The following ACTR1B variants were observed in gnomAD, a reference collection of about 807,000 sequenced individuals.
The protein encoded by ACTR1B is beta-centractin.
A neutral mutation model predicts 49.4 loss-of-function variants in ACTR1B; 34 were observed. The observed-to-expected ratio is 0.69, with a 90% CI of 0.52 to 0.92. The LOEUF (loss-of-function observed/expected upper bound fraction) is 0.92, where lower values mean the gene tolerates loss of function less well. ACTR1B is among the 40% of genes least tolerant of loss of function. The pLI is 0.00. For synonymous variants in ACTR1B, 207 were observed against 207.8 expected (o/e 1.00, Z 0.03); for missense variants, 471 against 522.4 (o/e 0.90, Z 0.96).
At chr2:97,663,052 AC>A (rs1362856761) in intron 1 of ACTR1B, among the ~76,000 whole-genome samples, 2 of 152,026 alleles carry the variant, frequency 1.3e-5, no homozygotes, top group African/African-American at 2.4e-5. Flanking sequence ...GGACGCACAT[AC>A]CCAGCTAGGG....
intron 2 of ACTR1B, among the ~76,000 whole-genome samples, chr2:97,660,962 TC>T (rs2104505324): frequency 6.6e-6 from 1 of 152,246 alleles, no homozygotes; most frequent in East Asian, 1.9e-4. Flanking sequence ...CAGCCCACGC[TC>T]CTGACTTCGG....
At position 97,660,615 on chromosome 2, in the gene ACTR1B, C is replaced by A. The variant is rs750047083; in HGVS notation, c.145G>T (p.Ala49Ser). The A allele has an allele frequency of 4.3e-6, 7 of 1,613,966 alleles. No individual in the cohort carries two copies. Among genetic ancestry groups the A allele is most frequent in the African/African-American group, 1.3e-5 (1 of 74,946 alleles). ...AAGAGGTCCCCCTCCAGGGCTCCAG[C>A]CATCACCCGCATGTGCTTCGGCCGC... is the stretch of plus-strand genomic sequence containing the variant. ...VGRPKHMRVM[A>S]GALEGDLFIG... The change falls in exon 3 of 11, where the codon GCT becomes TCT. Residue 49 changes from alanine to serine, a missense_variant. Ala to Ser is a moderately conservative substitution (Grantham distance 99). Transcript: ENST00000289228.
chr2:97,658,459 C>G lies in ACTR1B; in HGVS notation c.625G>C (p.Ala209Pro), dbSNP rs780715402. 2.5e-6 allele frequency: 4 copies of G among 1,614,152 alleles called. No individual in the cohort carries two copies. Among genetic ancestry groups the G allele is most frequent in the Non-Finnish European group, 3.4e-6 (4 of 1,180,018 alleles). ...ATTGTCCGGACAACCTCAAACTCAG[C>G]CGAGGTATGGAAGTCAACCCCTTCC... ...RKEGVDFHTS[A>P]EFEVVRTIKE... Residue 209 changes from alanine (A) to proline (P), a missense_variant, in exon 6 of 11, where the codon GCT becomes CCT. Physicochemically the swap from Ala to Pro is conservative, Grantham distance 27. Coordinates refer to ENST00000289228, the MANE Select transcript of ACTR1B (RefSeq NM_005735.4). The surrounding 1 kb of genome is among the most constrained non-coding windows in gnomAD (Gnocchi z 5.9).
In ACTR1B at chr2:97,658,204, T is replaced by C. The variant is rs1404604508; in HGVS notation, c.750+20A>G. 8.7e-6 allele frequency: 14 copies of C among 1,613,748 alleles called. No homozygotes were observed. Among genetic ancestry groups the C allele is most frequent in the African/African-American group, 2.7e-5 (2 of 74,948 alleles). On this transcript the variant is annotated intron_variant, in intron 7 of 10. Coordinates refer to ENST00000289228, the MANE Select transcript of ACTR1B (RefSeq NM_005735.4). The surrounding 1 kb of genome is among the most constrained non-coding windows in gnomAD (Gnocchi z 5.9). ...GGCTGGGCATCGGCTGCCACTCCAG[T>C]GCCAGGCCCGGCCACTTACATCAAG... is the stretch of plus-strand genomic sequence containing the variant.
In ACTR1B at chr2:97,659,592, A is replaced by C; in HGVS notation, c.190-115T>G. 9.9e-7 allele frequency: 1 copy of C among 1,013,540 alleles called. No individual in the cohort carries two copies. Among genetic ancestry groups the C allele is most frequent in the Non-Finnish European group, 1.5e-6 (1 of 676,032 alleles). 62.8% of individuals were successfully genotyped at this position (1,013,540 alleles called of 1,614,324 possible). On this transcript the variant is annotated intron_variant, in intron 3 of 10. Coordinates refer to ENST00000289228, the MANE Select transcript of ACTR1B (RefSeq NM_005735.4). This position sits in a 1 kb window ranked among gnomAD's most constrained non-coding sequence, Gnocchi z 4.0. ...CCAGAACCTCACCTGCCCTGACCAG[A>C]ACCACCCCTGCTCACTGGGTGTCCC...
chr2:97,658,546 T>A lies in ACTR1B; in HGVS notation c.538A>T (p.Ile180Phe). 1 of 1,614,006 alleles carries A rather than the reference T, an allele frequency of 6.2e-7. No individual in the cohort carries two copies. The highest frequency in any genetic ancestry group is 8.5e-7 in the Non-Finnish European group (1 of 1,180,010). ...CGGCCGGCAATGTCCACCCGCATGA[T>A]GGAGTGAGGCATGGCAAAGCCCTCA... ...IYEGFAMPHS[I>F]MRVDIAGRDV... Residue 180 changes from isoleucine to phenylalanine, a missense_variant, in exon 6 of 11, where the codon ATC becomes TTC. By Grantham distance (21) the Ile-to-Phe change is conservative. Transcript: ENST00000289228. The surrounding 1 kb of genome is among the most constrained non-coding windows in gnomAD (Gnocchi z 5.9).
chr2:97,659,142 G>A lies in ACTR1B; in HGVS notation c.316-139C>T. The stretch of plus-strand genomic sequence containing the variant: ...TCCTGAGGGCCCCATCCCTTTATCT[G>A]CTGGCAGTTACTCTTCCGGAGATCC... On this transcript the variant is annotated intron_variant, in intron 4 of 10. Coordinates refer to ENST00000289228, the MANE Select transcript of ACTR1B (RefSeq NM_005735.4). This position sits in a 1 kb window ranked among gnomAD's most constrained non-coding sequence, Gnocchi z 4.0. 1 of 1,468,272 alleles carries A rather than the reference G, an allele frequency of 6.8e-7. No individual in the cohort carries two copies. Among genetic ancestry groups the A allele is most frequent in the Non-Finnish European group, 9.3e-7 (1 of 1,074,872 alleles). 91.0% of individuals were successfully genotyped at this position (1,468,272 alleles called of 1,614,324 possible).
rs751752228 is a variant in ACTR1B at position 97,659,016 on chromosome 2, G to A, written c.316-13C>T. 1 of 1,614,004 alleles carries A rather than the reference G, an allele frequency of 6.2e-7. No homozygotes were observed. Among genetic ancestry groups the A allele is most frequent in the Non-Finnish European group, 8.5e-7 (1 of 1,180,020 alleles). ...GGAGCACAGGATGCTGCGAGGGACG[G>A]GACAGTTGTAGGCATCAGAGGAGGC... On this transcript the variant is annotated splice_polypyrimidine_tract_variant and intron_variant, in intron 4 of 10. Coordinates refer to ENST00000289228, the MANE Select transcript of ACTR1B (RefSeq NM_005735.4). This position sits in a 1 kb window ranked among gnomAD's most constrained non-coding sequence, Gnocchi z 4.0.
intron 3 of ACTR1B, among the ~76,000 whole-genome samples, chr2:97,660,177 TC>T (rs996500143): frequency 2.0e-5 from 3 of 152,150 alleles, no homozygotes; most frequent in Non-Finnish European, 4.4e-5. Flanking sequence ...CTTGCTGCTC[TC>T]CCCACACCCA....
chr2:97,659,719 T>C lies in ACTR1B; in HGVS notation c.190-242A>G, dbSNP rs1015887407. 6.9e-6 allele frequency: 4 copies of C among 577,986 alleles called. No homozygotes were observed. The African/African-American group carries it at 7.6e-5, about 11-fold the overall frequency. The allele number at this position is 577,986 out of a possible 1,614,324, so 35.8% of individuals were successfully genotyped here. ...CTTCAGCTGGGGGGATCAGAGAGGGTGGCAGTGTGCCCCGCAATCTGCAGG... is the reference window on the plus strand; with the variant it reads ...CTTCAGCTGGGGGGATCAGAGAGGGCGGCAGTGTGCCCCGCAATCTGCAGG... On this transcript the variant is annotated intron_variant, in intron 3 of 10. Transcript: ENST00000289228. The surrounding 1 kb of genome is among the most constrained non-coding windows in gnomAD (Gnocchi z 4.0).
Position 97,660,634 on chromosome 2 carries a change from C to T in ACTR1B, c.126G>A (p.Pro42=), listed in dbSNP as rs146383048. The change falls in exon 3 of 11, where the codon CCG becomes CCA. Residue 42 remains proline, a synonymous_variant. Transcript: ENST00000289228. The part of the protein sequence containing the change: ...KYCFPNYVGR[P]KHMRVMAGAL... ...CTCCAGCCATCACCCGCATGTGCTT[C>T]GGCCGCCCGACACTGTTAGGACGGA... 7.5e-5 allele frequency: 121 copies of T among 1,614,072 alleles called. No homozygotes were observed. The highest frequency in any genetic ancestry group is 3.0e-4 in the Admixed American group (18 of 60,036).
intron 9 of ACTR1B, 97 bp from the exon 10 acceptor site, chr2:97,657,289 G>A: frequency 6.5e-7 from 1 of 1,543,838 alleles, no homozygotes; most frequent in South Asian, 1.1e-5. Flanking sequence ...AAGCCTGACA[G>A]CAAAGGCATA....
At position 97,657,526 on chromosome 2, in the gene ACTR1B, G is replaced by A; in HGVS notation, c.926-17C>T. 6.2e-7 allele frequency: 1 copy of A among 1,614,114 alleles called. No individual in the cohort carries two copies. Among genetic ancestry groups the A allele is most frequent in the Non-Finnish European group, 8.5e-7 (1 of 1,179,992 alleles). ...CTCCGAAGCCTGTGAACACAAAGCT[G>A]GCTGAGCCTGGGGTCTGCACCCGGC... On this transcript the variant is annotated splice_polypyrimidine_tract_variant and intron_variant, in intron 8 of 10. Transcript: ENST00000289228.
At position 97,656,301 on chromosome 2, in the gene ACTR1B, C is replaced by G. The variant is rs1315644517; in HGVS notation, c.*557G>C. On this transcript the variant is annotated 3_prime_UTR_variant, in exon 11 of 11. Coordinates refer to ENST00000289228, the MANE Select transcript of ACTR1B (RefSeq NM_005735.4). Reference sequence around the variant, plus strand: ...CTGCCCTGGCTCTGAAGGGCCTGACCCTGGGCTGCACCCCCTTGCTGGGGA... The same window carrying G: ...CTGCCCTGGCTCTGAAGGGCCTGACGCTGGGCTGCACCCCCTTGCTGGGGA... 6.3e-6 allele frequency: 1 copy of G among 158,768 alleles called. No individual in the cohort carries two copies. Among genetic ancestry groups the G allele is most frequent in the African/African-American group, 2.4e-5 (1 of 41,574 alleles). 9.8% of individuals were successfully genotyped at this position (158,768 alleles called of 1,614,324 possible). A position where few individuals can be genotyped will look rare whatever the true frequency, so the allele number is the denominator to read the frequency against.
rs775531732 is a variant in ACTR1B, at chr2:97,656,943, G to A, written c.1046C>T (p.Ser349Leu). The part of the protein sequence containing the change: ...STWIGGSILA[S>L]LDTFKKMWVS... The stretch of plus-strand genomic sequence containing the variant: ...CCACATCTTCTTAAAAGTGTCCAGC[G>A]AGGCCAGGATGGAGCCGCTGTGGGG... Residue 349 changes from serine (S) to leucine (L), a missense_variant, in exon 11 of 11, where the codon TCG (serine) becomes TTG (leucine). Physicochemically the swap from Ser to Leu is moderately radical, Grantham distance 145. Transcript: ENST00000289228. 6 of 1,594,754 alleles carry A rather than the reference G, an allele frequency of 3.8e-6. No homozygotes were observed. The highest frequency in any genetic ancestry group is 3.6e-5 in the Admixed American group (2 of 56,276).
At chr2:97,663,806 C>CG in intron 1 of ACTR1B, 37 bp downstream of exon 1, 1 of 1,331,344 alleles carries the variant, frequency 7.5e-7, no homozygotes, top group Non-Finnish European at 9.8e-7. Context: ...CCCCCGGGGG[C>CG]GGGGCGCCCG....
In ACTR1B at chr2:97,659,650, GCTCA is replaced by G; in HGVS notation, c.190-177_190-174del. On this transcript the variant is annotated intron_variant, in intron 3 of 10. Transcript: ENST00000289228. This position sits in a 1 kb window ranked among gnomAD's most constrained non-coding sequence, Gnocchi z 4.0. ...GTGGCGGGTCCTGAACTCAGCATGG[GCTCA>G]CCTGCCCACCAGCTTCTTAGGCTCT... The G allele has an allele frequency of 1.1e-6, 1 of 892,394 alleles. No homozygotes were observed. The highest frequency in any genetic ancestry group is 1.7e-6 in the Non-Finnish European group (1 of 595,064). 55.3% of individuals were successfully genotyped at this position (892,394 alleles called of 1,614,324 possible).
rs1393865393 is a variant in ACTR1B, at chr2:97,656,762, A to T, written c.*96T>A. On this transcript the variant is annotated 3_prime_UTR_variant, in exon 11 of 11. Transcript: ENST00000289228. ...CCCAGGGGTTCAGGGCATGCAGGGG[A>T]CCCTAAGCCTAGTATACGAGCCAAG... The T allele has an allele frequency of 4.0e-6, 4 of 1,000,490 alleles. No homozygotes were observed. The highest frequency in any genetic ancestry group is 6.1e-6 in the Non-Finnish European group (4 of 654,356). 62.0% of individuals were successfully genotyped at this position (1,000,490 alleles called of 1,614,324 possible). A position where few individuals can be genotyped will look rare whatever the true frequency, so the allele number is the denominator to read the frequency against.
chr2:97,662,686 CCT>C (rs1444359623), intron 1 of ACTR1B, among the ~76,000 whole-genome samples: 5 of 152,206 alleles, frequency 3.3e-5, no homozygotes, highest in African/African-American at 9.6e-5. Flanking sequence ...TCATCGCAAC[CCT>C]CTGAGTCTGC....
Sources: allele counts gnomAD v4.1 joint callset (sites outside exome capture counted in the v4.1 genomes callset), GRCh38; gene constraint gnomAD v4.1.1; non-coding constraint Gnocchi (gnomAD v3.1); transcripts MANE v1.5; gene names NCBI Gene and HGNC (gene_info 2026-07-23, HGNC 2026-07-21).